The following RSF1 variants were observed in gnomAD, a reference collection of about 807,000 sequenced individuals.
RSF1 encodes the protein remodeling and spacing factor 1.
In RSF1, 13 loss-of-function variants were observed where a neutral mutation model predicts 145.2. The ratio of observed to expected loss-of-function variants is 0.09; its 90% CI spans 0.06 to 0.14. The LOEUF is 0.14. RSF1 is among the 10% of genes least tolerant of loss of function. The probability of loss-of-function intolerance (pLI) is 1.00; values close to 1 mark genes in which losing one functional copy is unlikely to be tolerated. For synonymous variants in RSF1, 577 were observed against 592.6 expected, an observed-to-expected ratio of 0.97 and a Z score of 0.38; for missense variants, 1,517 against 1,718.2, an observed-to-expected ratio of 0.88 and a Z score of 2.07.
chr11:77,670,539 C>T lies in RSF1; in HGVS notation c.3751+1503G>A, dbSNP rs144831518. ...ATCTTGTTTATTGTCACCTTCTTCC[C>T]AACTAAAATAAGAGTTTCATAAGAG... On this transcript the variant is annotated intron_variant, in intron 15 of 15. Coordinates refer to ENST00000308488, the MANE Select transcript of RSF1 (RefSeq NM_016578.4). Among the ~76,000 whole-genome samples, 9 of 152,160 alleles carry T rather than the reference C, an allele frequency of 5.9e-5. No individual in the cohort carries two copies. In the East Asian group the frequency reaches 1.7e-3, roughly 29 times the overall value.
At chr11:77,696,080 T>C (rs1281529031) in intron 7 of RSF1, among the ~76,000 whole-genome samples, 1 of 152,222 alleles carries the variant, frequency 6.6e-6, no homozygotes, top group Non-Finnish European at 1.5e-5. Flanking sequence ...ACTTCCGGTA[T>C]ACAGTTGATT....
chr11:77,777,602 T>TA (rs1274730939), intron 1 of RSF1, among the ~76,000 whole-genome samples: 3 of 151,902 alleles, frequency 2.0e-5, no homozygotes, highest in Non-Finnish European at 4.4e-5. Flanking sequence ...TCAAAATAAA[T>TA]AAAAAAATAA....
At chr11:77,810,502 TTTCATTCACAGGACA>T (rs1948720068) in intron 1 of RSF1, among the ~76,000 whole-genome samples, 3 of 152,326 alleles carry the variant, frequency 2.0e-5, no homozygotes, top group Admixed American at 2.0e-4. Context: ...TTCCACTAAG[TTTCATTCACAGGACA>T]TTCTAGGCAT....
chr11:77,790,125 G>A (rs1047316352), intron 1 of RSF1, among the ~76,000 whole-genome samples: 2 of 152,146 alleles, frequency 1.3e-5, no homozygotes, highest in Non-Finnish European at 2.9e-5. Context: ...TCACACTGCT[G>A]ATAAAGACAT....
At chr11:77,843,309 G>A in the RSF1 span, among the ~76,000 whole-genome samples, 1 of 152,126 alleles carries the variant, frequency 6.6e-6, no homozygotes, top group Non-Finnish European at 1.5e-5. Context: ...CCAAGGTAGA[G>A]CCTCCTTTCC....
intron 1 of RSF1, among the ~76,000 whole-genome samples, chr11:77,802,511 T>G (rs1217616135): frequency 6.6e-6 from 1 of 152,192 alleles, no homozygotes; most frequent in African/African-American, 2.4e-5. Context: ...AAGGAACAAA[T>G]TTTCATTTAC....
At chr11:77,698,444 A>G in intron 7 of RSF1, 43 bp downstream of exon 7, 1 of 1,558,982 alleles carries the variant, frequency 6.4e-7, no homozygotes, top group Non-Finnish European at 8.8e-7. Context: ...CAACCTCACC[A>G]TGTCTGTAAT....
intron 1 of RSF1, among the ~76,000 whole-genome samples, chr11:77,768,778 A>T (rs974245449): frequency 6.6e-6 from 1 of 152,212 alleles, no homozygotes; most frequent in Non-Finnish European, 1.5e-5. Context: ...CTACAGGAAA[A>T]TTAATCAACA....
the RSF1 span, among the ~76,000 whole-genome samples, chr11:77,829,039 C>T: frequency 7.8e-4 from 119 of 152,308 alleles, 1 homozygote; most frequent in African/African-American, 2.8e-3. Flanking sequence ...GTGTCTCCCC[C>T]AGATTCATAT....
At chr11:77,858,998 A>G in the RSF1 span, among the ~76,000 whole-genome samples, 1 of 152,222 alleles carries the variant, frequency 6.6e-6, no homozygotes, top group African/African-American at 2.4e-5. Context: ...ATAGTTTTGA[A>G]AAGGCCTGGT....
the RSF1 span, chr11:77,842,663 GC>G: frequency 6.2e-7 from 1 of 1,604,144 alleles, no homozygotes; most frequent in Non-Finnish European, 8.5e-7. Context: ...ACTACATGAG[GC>G]TGACCAAGTG....
At chr11:77,734,535 A>G (rs1200294874) in intron 4 of RSF1, 7 of 1,575,882 alleles carry the variant, frequency 4.4e-6, no homozygotes, top group Non-Finnish European at 6.0e-6. Flanking sequence ...CTGCCAAGCC[A>G]GATTCGAGTG....
intron 4 of RSF1, 36 bp from the exon 5 acceptor site, chr11:77,725,735 T>G (rs771315342): frequency 6.7e-7 from 1 of 1,491,172 alleles, no homozygotes; most frequent in Non-Finnish European, 9.0e-7. Flanking sequence ...CATAAAAACC[T>G]TTTTCCTGTT....
At chr11:77,779,380 A>G (rs1261753587) in intron 1 of RSF1, among the ~76,000 whole-genome samples, 1 of 147,514 alleles carries the variant, frequency 6.8e-6, no homozygotes, top group Non-Finnish European at 1.5e-5. Context: ...TATTTCTAAA[A>G]AAAATTTTTT....
intron 3 of RSF1, among the ~76,000 whole-genome samples, chr11:77,744,685 C>G (rs1947980507): frequency 6.6e-6 from 1 of 152,166 alleles, no homozygotes; most frequent in South Asian, 2.1e-4. Context: ...GGTGAATGAT[C>G]TCATTTATGT....
chr11:77,676,165 A>T (rs910521838), intron 13 of RSF1, among the ~76,000 whole-genome samples: 1 of 152,170 alleles, frequency 6.6e-6, no homozygotes, highest in Non-Finnish European at 1.5e-5. Context: ...TCATTCTTCA[A>T]ATTTCAGATC....
chr11:77,844,690 TG>T, the RSF1 span, among the ~76,000 whole-genome samples: 1 of 152,166 alleles, frequency 6.6e-6, no homozygotes, highest in East Asian at 1.9e-4. Flanking sequence ...GTTTATTCAT[TG>T]GGTATTTGCT....
chr11:77,691,086 C>A, intron 9 of RSF1, 73 bp downstream of exon 9: 1 of 1,372,212 alleles, frequency 7.3e-7, no homozygotes, highest in Admixed American at 1.7e-5. Context: ...TTAGATGGAT[C>A]CATTTATCCA....
At position 77,661,223 on chromosome 11, in the gene RSF1, G is replaced by A. The variant is rs747030321; in HGVS notation, c.*5694C>T. On this transcript the variant is annotated 3_prime_UTR_variant, in exon 16 of 16. Transcript: ENST00000308488. ...TTAGCATAGGACATACCCTTTCAAA[G>A]TGTACACACAACCTCATGGCAGGTT... 6.6e-6 allele frequency: 1 copy of A among 152,080 alleles called. No individual in the cohort carries two copies. The highest frequency in any genetic ancestry group is 2.4e-5 in the African/African-American group (1 of 41,420). 9.4% of individuals were successfully genotyped at this position (152,080 alleles called of 1,614,324 possible). A position where few individuals can be genotyped will look rare whatever the true frequency, so the allele number is the denominator to read the frequency against.
Sources: gnomAD v4.1 joint callset for allele counts (sites outside exome capture counted in the v4.1 genomes callset) on GRCh38, gnomAD v4.1.1 for gene constraint, MANE v1.5 for transcripts, NCBI Gene and HGNC (gene_info 2026-07-23, HGNC 2026-07-21) for gene names.